ABI3BP: variants seen among roughly 807,000 people sequenced by gnomAD.
The protein encoded by ABI3BP is target of Nesh-SH3.
In ABI3BP, 216 loss-of-function variants were observed where a neutral mutation model predicts 268.6. That is an observed-to-expected ratio of 0.80 (90% CI 0.72 to 0.90). ABI3BP has a LOEUF of 0.90. Among genes scored for constraint, ABI3BP ranks in the 40% least tolerant of loss-of-function variants. The pLI, the probability that ABI3BP is intolerant of heterozygous loss-of-function variation, is 0.00. For missense variants in ABI3BP, 2,090 were observed against 2,182.4 expected (o/e 0.96, Z 0.84); for synonymous variants, 730 against 730.0 (o/e 1.00, Z 0.00).
intron 4 of ABI3BP, among the ~76,000 whole-genome samples, chr3:100,892,393 C>A (rs138145261): frequency 6.6e-6 from 1 of 151,442 alleles, no homozygotes; most frequent in Non-Finnish European, 1.5e-5. Flanking sequence ...CCAAAGAAAG[C>A]GAAAAAAGTT....
At chr3:100,975,468 T>C (rs1400194460) in intron 1 of ABI3BP, among the ~76,000 whole-genome samples, 2 of 151,960 alleles carry the variant, frequency 1.3e-5, no homozygotes, top group East Asian at 3.9e-4. Context: ...GGGAAATGGA[T>C]TATACAATAG....
At chr3:100,978,919 G>T (rs967128166) in intron 1 of ABI3BP, among the ~76,000 whole-genome samples, 1 of 152,204 alleles carries the variant, frequency 6.6e-6, no homozygotes, top group Non-Finnish European at 1.5e-5. Context: ...GTATAGTAAG[G>T]GTGGGAGGAG....
intron 4 of ABI3BP, among the ~76,000 whole-genome samples, chr3:100,898,519 C>T (rs924387763): frequency 2.0e-5 from 3 of 152,200 alleles, no homozygotes; most frequent in Non-Finnish European, 4.4e-5. Context: ...ACTGATACCA[C>T]CCATTTGCTA....
At chr3:100,791,225 A>G (rs1049643881) in intron 55 of ABI3BP, among the ~76,000 whole-genome samples, 1 of 151,896 alleles carries the variant, frequency 6.6e-6, no homozygotes, top group Non-Finnish European at 1.5e-5. Flanking sequence ...AATATTTTGA[A>G]GGAATTTGAT....
At chr3:100,874,764 A>T in intron 9 of ABI3BP, 77 bp downstream of exon 9, 1 of 875,246 alleles carries the variant, frequency 1.1e-6, no homozygotes, top group Non-Finnish European at 1.7e-6. Context: ...CATTAGCAAG[A>T]TTCTTTGGAT....
rs553317103 is a variant in ABI3BP at position 100,749,528 on chromosome 3, T to G, written c.*967A>C. 569 of 382,814 alleles carry G rather than the reference T, an allele frequency of 1.5e-3. 1 individual carries two copies. Among genetic ancestry groups the G allele is most frequent in the African/African-American group, 0.01 (418 of 40,440 alleles). 23.7% of individuals were successfully genotyped at this position (382,814 alleles called of 1,614,324 possible). On this transcript the variant is annotated 3_prime_UTR_variant, in exon 68 of 68. Coordinates refer to ENST00000471714, the MANE Select transcript of ABI3BP (RefSeq NM_001375547.2). ...ACCTTTTTAATAGAAATAAATGAGT[T>G]AGTTAGTTAGATTTTTATTACAGAT...
At chr3:100,800,590 C>G (rs959711578) in intron 51 of ABI3BP, among the ~76,000 whole-genome samples, 1 of 152,186 alleles carries the variant, frequency 6.6e-6, no homozygotes, top group African/African-American at 2.4e-5. Flanking sequence ...TCTCCTGCCT[C>G]AGCCTCCCTA....
chr3:100,989,524 A>G (rs570667609), intron 1 of ABI3BP, among the ~76,000 whole-genome samples: 1 of 152,344 alleles, frequency 6.6e-6, no homozygotes, highest in South Asian at 2.1e-4. Context: ...CCCAAAGCAA[A>G]GAGCCAGCTG....
At chr3:100,984,743 C>T (rs980625921) in intron 1 of ABI3BP, among the ~76,000 whole-genome samples, 1 of 152,178 alleles carries the variant, frequency 6.6e-6, no homozygotes, top group Admixed American at 6.5e-5. Context: ...TTTAGTCTTG[C>T]TGTCCACAGA....
At chr3:100,841,912 AAAAAC>A (rs2098709809) in intron 21 of ABI3BP, 81 bp downstream of exon 21, 2 of 1,203,828 alleles carry the variant, frequency 1.7e-6, no homozygotes, top group African/African-American at 1.6e-5. Flanking sequence ...AAAAAAAAAA[AAAAAC>A]AAAACCCAAA....
In ABI3BP at chr3:100,778,338, G is replaced by A. The variant is rs1384390778; in HGVS notation, c.4279C>T (p.Pro1427Ser). 1 of 1,613,762 alleles carries A rather than the reference G, an allele frequency of 6.2e-7. No homozygotes were observed. Among genetic ancestry groups the A allele is most frequent in the Non-Finnish European group, 8.5e-7 (1 of 1,179,802 alleles). Residue 1427 changes from proline (P) to serine (S), a missense_variant, in exon 59 of 68, where the codon CCA becomes TCA. By Grantham distance (74) the Pro-to-Ser change is moderately conservative. Coordinates refer to ENST00000471714, the MANE Select transcript of ABI3BP (RefSeq NM_001375547.2). ...TTTGGTGGTAAAGGTTTTCTTCGTG[G>A]GTGTGTAGGTCTGGGTGGCAAGGGT... The part of the protein sequence containing the change: ...RPPLPPRPTH[P>S]RRKPLPPNNV...
chr3:100,844,453 C>G (rs1202702219), intron 20 of ABI3BP: 13 of 985,102 alleles, frequency 1.3e-5, no homozygotes, highest in Non-Finnish European at 1.6e-5. Context: ...GACTTAACCA[C>G]CAAGCAAAGC....
At chr3:100,983,424 C>A (rs575314973) in intron 1 of ABI3BP, among the ~76,000 whole-genome samples, 3 of 152,270 alleles carry the variant, frequency 2.0e-5, no homozygotes, top group Admixed American at 2.0e-4. Flanking sequence ...AAATCCATTG[C>A]ATATTTACTT....
intron 1 of ABI3BP, among the ~76,000 whole-genome samples, chr3:100,978,217 C>T (rs1043531161): frequency 6.6e-6 from 1 of 152,190 alleles, no homozygotes; most frequent in Non-Finnish European, 1.5e-5. Flanking sequence ...ATAGCTAATG[C>T]TCAACAATAG....
rs531208299 is a variant in ABI3BP at position 100,797,331 on chromosome 3, T to A, written c.3758-863A>T. ...ATTTGTCTATTTGTTAGTACCAGAT[T>A]TCTGCAACAAAATCTCATTCCACAA... On this transcript the variant is annotated intron_variant, in intron 51 of 67. Transcript: ENST00000471714. 3.2e-4 allele frequency among the ~76,000 whole-genome samples: 48 copies of A among 152,166 alleles called. No individual in the cohort carries two copies. The South Asian group carries it at 6.2e-3, about 20-fold the overall frequency.
Position 100,838,099 on chromosome 3 carries a change from A to G in ABI3BP, c.2083+111T>C, listed in dbSNP as rs1382758256. 23 of 1,254,582 alleles carry G rather than the reference A, an allele frequency of 1.8e-5. No individual in the cohort carries two copies. The East Asian group carries it at 5.6e-4, about 30-fold the overall frequency. 77.7% of individuals were successfully genotyped at this position (1,254,582 alleles called of 1,614,324 possible). A position where few individuals can be genotyped will look rare whatever the true frequency, so the allele number is the denominator to read the frequency against. On this transcript the variant is annotated intron_variant, in intron 26 of 67. Transcript: ENST00000471714. Reference sequence around the variant, plus strand: ...CTACTTGGAGAAGATAATGAACAAAATTATGGTATTTGGATTTCTATGATT... The same window carrying G: ...CTACTTGGAGAAGATAATGAACAAAGTTATGGTATTTGGATTTCTATGATT...
intron 16 of ABI3BP, among the ~76,000 whole-genome samples, 186 bp from the exon 17 acceptor site, chr3:100,850,305 G>A (rs2098823177): frequency 6.6e-6 from 1 of 152,214 alleles, no homozygotes; most frequent in Non-Finnish European, 1.5e-5. Context: ...AGGCTAGAAT[G>A]ATGATTGTTC....
intron 63 of ABI3BP, among the ~76,000 whole-genome samples, chr3:100,757,262 ACTG>A (rs1312945366): frequency 1.3e-5 from 2 of 152,200 alleles, no homozygotes; most frequent in African/African-American, 2.4e-5. Flanking sequence ...ATTTCCCAGT[ACTG>A]AAAGACAAGA....
intron 52 of ABI3BP, 28 bp from the exon 53 acceptor site, chr3:100,795,879 T>C (rs1475800978): frequency 1.6e-6 from 2 of 1,272,428 alleles, no homozygotes; most frequent in Non-Finnish European, 2.0e-6. Context: ...CAAAGGAACA[T>C]ATTTATGAGA....
Sources: allele counts gnomAD v4.1 joint callset (sites outside exome capture counted in the v4.1 genomes callset), GRCh38; gene constraint gnomAD v4.1.1; transcripts MANE v1.5; gene names NCBI Gene and HGNC (gene_info 2026-07-23, HGNC 2026-07-21).